MPPE1: variants seen among roughly 807,000 people sequenced by gnomAD.
The protein encoded by MPPE1 is metallophosphoesterase 1, also known as metallo phosphoesterase.
A neutral mutation model predicts 43.8 loss-of-function variants in MPPE1; 28 were observed. The ratio of observed to expected loss-of-function variants is 0.64; its 90% CI spans 0.47 to 0.88. The LOEUF (loss-of-function observed/expected upper bound fraction) is 0.88. MPPE1 is among the 40% of genes least tolerant of loss of function. The pLI, the probability that MPPE1 is intolerant of heterozygous loss-of-function variation, is 0.00. For missense variants in MPPE1, 428 were observed against 492.2 expected (o/e 0.87, Z 1.23); for synonymous variants, 159 against 188.5 (o/e 0.84, Z 1.28).
intron 10 of MPPE1, chr18:11,884,983 C>G (rs1366855914): frequency 1.5e-6 from 2 of 1,301,862 alleles, no homozygotes; most frequent in Non-Finnish European, 2.0e-6. Context: ...CATCGGTCAG[C>G]GAGGAACAAG....
intron 3 of MPPE1, among the ~76,000 whole-genome samples, chr18:11,894,382 C>G (rs1213309245): frequency 7.4e-6 from 1 of 134,688 alleles, no homozygotes; most frequent in Non-Finnish European, 1.5e-5. Flanking sequence ...AAGCTGAGAT[C>G]ATGACACTGC....
In MPPE1 at chr18:11,886,771, C is replaced by G. The variant is rs1335292804; in HGVS notation, c.686G>C (p.Gly229Ala). The G allele has an allele frequency of 5.6e-6, 9 of 1,612,902 alleles. No individual in the cohort carries two copies. Among genetic ancestry groups the G allele is most frequent in the Non-Finnish European group, 7.6e-6 (9 of 1,179,774 alleles). The change falls in exon 8 of 11, where the codon GGC becomes GCC. Residue 229 changes from glycine to alanine, a missense_variant. Around this residue, in one of 3 missense-constraint regions of MPPE1, gnomAD observed 379 missense variants for 402.5 expected, o/e 0.94. Transcript: ENST00000588072. The surrounding 1 kb of genome is among the most constrained non-coding windows in gnomAD (Gnocchi z 4.1). Reference sequence around the variant, plus strand: ...AGGCCCAGGTCCACACCGGCTGGAGCCACGTGCCTGCTGGGTACAAGTCAG... The same window carrying G: ...AGGCCCAGGTCCACACCGGCTGGAGGCACGTGCCTGCTGGGTACAAGTCAG... ...HRLNCSREAR[G>A]SSRCGPGPLL...
intron 2 of MPPE1, chr18:11,905,715 A>AC (rs899699953): frequency 2.0e-5 from 3 of 152,012 alleles, no homozygotes; most frequent in African/African-American, 7.2e-5. Context: ...CTCTGCAGAC[A>AC]CCCCCACCCC....
chr18:11,882,795 T>G lies in MPPE1; in HGVS notation c.*1650A>C, dbSNP rs641010. The G allele has an allele frequency of 6.6e-6, 1 of 151,834 alleles. No individual in the cohort carries two copies. Among genetic ancestry groups the G allele is most frequent in the Non-Finnish European group, 1.5e-5 (1 of 68,014 alleles). The allele number at this position is 151,834 out of a possible 1,614,324, so 9.4% of individuals were successfully genotyped here. On this transcript the variant is annotated 3_prime_UTR_variant, in exon 11 of 11. Coordinates refer to ENST00000588072, the MANE Select transcript of MPPE1 (RefSeq NM_023075.6). ...AAGAAGAAACATTACAAAACCTTAA[T>G]CTGAAGTATAAAGTCAAAAGATACG...
At chr18:11,896,039 G>C (rs1406666461) in intron 3 of MPPE1, among the ~76,000 whole-genome samples, 1 of 149,270 alleles carries the variant, frequency 6.7e-6, no homozygotes, top group Non-Finnish European at 1.5e-5. Context: ...GCCTCCTTTG[G>C]TTAAAACTCT....
intron 10 of MPPE1, chr18:11,884,987 GAAC>G: frequency 7.7e-7 from 1 of 1,302,692 alleles, no homozygotes. Context: ...GGTCAGCGAG[GAAC>G]AAGGAGGGAA....
chr18:11,890,319 GTTTT>G (rs771934754), intron 4 of MPPE1, among the ~76,000 whole-genome samples: 1 of 151,210 alleles, frequency 6.6e-6, no homozygotes, highest in African/African-American at 2.4e-5. Flanking sequence ...TTATTTTGTT[GTTTT>G]TTTGAGACAG....
chr18:11,907,099 T>A (rs2039795524), intron 1 of MPPE1, among the ~76,000 whole-genome samples: 1 of 152,054 alleles, frequency 6.6e-6, no homozygotes, highest in South Asian at 2.1e-4. Flanking sequence ...CATTTCATCC[T>A]CCTCCCTTTT....
rs756370314 is a variant in MPPE1, at chr18:11,886,752, A to C, written c.705T>G (p.Pro235=). Reference sequence around the variant, plus strand: ...GGGCAGACGTGGGCAGCAGAGGCCCAGGTCCACACCGGCTGGAGCCACGTG... The same window carrying C: ...GGGCAGACGTGGGCAGCAGAGGCCCCGGTCCACACCGGCTGGAGCCACGTG... ...REARGSSRCG[P]GPLLPTSAPV... is the part of the protein sequence containing the mutation. The change falls in exon 8 of 11, where the codon CCT becomes CCG. Residue 235 remains proline (P), a synonymous_variant. Coordinates refer to ENST00000588072, the MANE Select transcript of MPPE1 (RefSeq NM_023075.6). This position sits in a 1 kb window ranked among gnomAD's most constrained non-coding sequence, Gnocchi z 4.1. 3 of 1,613,370 alleles carry C rather than the reference A, an allele frequency of 1.9e-6. No individual in the cohort carries two copies. In the Admixed American group the frequency reaches 5.0e-5, roughly 27 times the overall value.
At position 11,889,947 on chromosome 18, in the gene MPPE1, C is replaced by CTT. The variant is rs35489693; in HGVS notation, c.391-459_391-458dup. ...AGATGCCCATAAAGATGATGTAGAA[C>CTT]TTTTTTTTTTTTTGAGATGGAGTCT... On this transcript the variant is annotated intron_variant, in intron 4 of 10. Transcript: ENST00000588072. Among the ~76,000 whole-genome samples, 234 of 145,298 alleles carry CTT rather than the reference C, an allele frequency of 1.6e-3. 1 individual carries two copies. Among genetic ancestry groups the CTT allele is most frequent in the African/African-American group, 5.4e-3 (215 of 39,734 alleles).
Position 11,884,167 on chromosome 18 carries a change from T to A in MPPE1, c.*278A>T. The A allele has an allele frequency of 6.2e-6, 2 of 322,338 alleles. No homozygotes were observed. The highest frequency in any genetic ancestry group is 1.2e-5 in the Non-Finnish European group (2 of 171,814). 20.0% of individuals were successfully genotyped at this position (322,338 alleles called of 1,614,324 possible). A position where few individuals can be genotyped will look rare whatever the true frequency, so the allele number is the denominator to read the frequency against. On this transcript the variant is annotated 3_prime_UTR_variant, in exon 11 of 11. Transcript: ENST00000588072. ...CTGTCGTGCATGTGAGTGACGACAT[T>A]AATAGCATTTACATACTGTACAGAT...
chr18:11,894,859 G>A (rs995465280), intron 3 of MPPE1, among the ~76,000 whole-genome samples: 1 of 152,190 alleles, frequency 6.6e-6, no homozygotes, highest in African/African-American at 2.4e-5. Context: ...CAAAAGTGCT[G>A]GGATTACAGG....
At chr18:11,898,643 T>A (rs2038834700) in intron 2 of MPPE1, among the ~76,000 whole-genome samples, 1 of 152,150 alleles carries the variant, frequency 6.6e-6, no homozygotes, top group African/African-American at 2.4e-5. Context: ...TTTCAGACTT[T>A]CGGGCAACTG....
intron 6 of MPPE1, among the ~76,000 whole-genome samples, chr18:11,887,712 A>T (rs561710814): frequency 6.6e-6 from 1 of 152,356 alleles, no homozygotes; most frequent in Admixed American, 6.5e-5. Context: ...CTGTCAGTAA[A>T]GACTGCTTGA....
intron 1 of MPPE1, among the ~76,000 whole-genome samples, chr18:11,906,790 G>A (rs1567986256): frequency 6.7e-6 from 1 of 148,306 alleles, no homozygotes; most frequent in Non-Finnish European, 1.5e-5. Flanking sequence ...GGAGGCGGAG[G>A]TTGTAGTGAG....
chr18:11,894,431 CA>C (rs66687820), intron 3 of MPPE1, among the ~76,000 whole-genome samples: 13,457 of 65,000 alleles, frequency 0.21, 248 homozygotes, highest in East Asian at 0.34. Flanking sequence ...GACTCCATCT[CA>C]AAAAAAAAAA....
In MPPE1 at chr18:11,883,068, TAGTCTTTAATATTTTAA is replaced by T. The variant is rs1361893369; in HGVS notation, c.*1360_*1376del. On this transcript the variant is annotated 3_prime_UTR_variant, in exon 11 of 11. Transcript: ENST00000588072. ...TCATTATTACTCTTCTTTTAGTCTT[TAGTCTTTAATATTTTAA>T]AGTTTACTCTATAAATCAGCATTTT... 1 of 152,234 alleles carries T rather than the reference TAGTCTTTAATATTTTAA, an allele frequency of 6.6e-6. No homozygotes were observed. Among genetic ancestry groups the T allele is most frequent in the Non-Finnish European group, 1.5e-5 (1 of 68,048 alleles). 9.4% of individuals were successfully genotyped at this position (152,234 alleles called of 1,614,324 possible). A position where few individuals can be genotyped will look rare whatever the true frequency, so the allele number is the denominator to read the frequency against.
chr18:11,892,525 C>G (rs540486539), intron 4 of MPPE1, among the ~76,000 whole-genome samples: 17 of 151,838 alleles, frequency 1.1e-4, no homozygotes, highest in African/African-American at 3.9e-4. Flanking sequence ...CAAAATTAGC[C>G]GGGCGTGGTG....
chr18:11,900,902 G>A (rs1432030664), intron 2 of MPPE1, among the ~76,000 whole-genome samples: 5 of 128,264 alleles, frequency 3.9e-5, no homozygotes, highest in Non-Finnish European at 6.0e-5. Flanking sequence ...GCAAGACTCC[G>A]TCTCATTAAA....
Sources: gnomAD v4.1 joint callset for allele counts (sites outside exome capture counted in the v4.1 genomes callset) on GRCh38, gnomAD v4.1.1 for gene constraint, gnomAD v4.1.1 regional missense constraint, Gnocchi (gnomAD v3.1) non-coding constraint, MANE v1.5 for transcripts, NCBI Gene and HGNC (gene_info 2026-07-23, HGNC 2026-07-21) for gene names.